CSMD1: variants seen among roughly 807,000 people sequenced by gnomAD.
CSMD1 encodes the protein CUB and sushi domain-containing protein 1.
In CSMD1, 213 loss-of-function variants were observed where a neutral mutation model predicts 417.5. That is an observed-to-expected ratio of 0.51 (90% CI 0.46 to 0.57). CSMD1 has a LOEUF of 0.57. CSMD1 is among the 20% of genes least tolerant of loss of function. CSMD1 has a pLI of 0.00. For synonymous variants in CSMD1, 2,862 were observed against 1,736.8 expected (o/e 1.65, Z -16.11); for missense variants, 6,923 against 4,529.7 (o/e 1.53, Z -15.17).
intron 2 of CSMD1, among the ~76,000 whole-genome samples, chr8:4,562,267 C>A (rs1173097400): frequency 2.6e-5 from 4 of 152,270 alleles, no homozygotes; most frequent in Non-Finnish European, 5.9e-5. Flanking sequence ...GGCATCATTA[C>A]GCGAGCAGAG....
rs1056647084 is a variant in CSMD1 at position 4,729,248 on chromosome 8, G to A, written c.86-91690C>T. The stretch of plus-strand genomic sequence containing the variant: ...TTATCACAGAAAATTATGCTGACGA[G>A]GAAAGAAAATAAGAATAAAAACCCG... On this transcript the variant is annotated intron_variant, in intron 1 of 69. Coordinates refer to ENST00000635120, the MANE Select transcript of CSMD1 (RefSeq NM_033225.6). Among the ~76,000 whole-genome samples, 9 of 152,124 alleles carry A rather than the reference G, an allele frequency of 5.9e-5. 1 individual carries two copies. Among genetic ancestry groups the A allele is most frequent in the Middle Eastern group, 6.8e-3 (2 of 294 alleles).
intron 10 of CSMD1, among the ~76,000 whole-genome samples, chr8:3,560,531 G>C (rs1486281552): frequency 6.6e-6 from 1 of 152,160 alleles, no homozygotes; most frequent in South Asian, 2.1e-4. Context: ...GCATGTATTT[G>C]AGAAAAGGCA....
At chr8:4,477,457 A>G (rs1563216502) in intron 2 of CSMD1, among the ~76,000 whole-genome samples, 1 of 152,152 alleles carries the variant, frequency 6.6e-6, no homozygotes, top group Non-Finnish European at 1.5e-5. Context: ...AAAACACATG[A>G]TTTTCAGATA....
At chr8:4,912,109 C>T (rs1348381988) in intron 1 of CSMD1, among the ~76,000 whole-genome samples, 3 of 65,228 alleles carry the variant, frequency 4.6e-5, no homozygotes, top group African/African-American at 1.4e-4. Flanking sequence ...TTTTCTAGTG[C>T]TCAACATAGC....
intron 52 of CSMD1, among the ~76,000 whole-genome samples, chr8:3,010,810 C>G (rs1253858917): frequency 1.3e-5 from 2 of 149,262 alleles, no homozygotes; most frequent in Non-Finnish European, 3.0e-5. Flanking sequence ...ATGGCATGAT[C>G]TCGGCTCACT....
chr8:3,752,488 C>G (rs1247283207), intron 6 of CSMD1, among the ~76,000 whole-genome samples: 1 of 151,882 alleles, frequency 6.6e-6, no homozygotes, highest in African/African-American at 2.4e-5. Context: ...AACCCCATCT[C>G]TACTAAAAAT....
Position 3,190,028 on chromosome 8 carries a change from G to A in CSMD1, c.5282C>T (p.Ser1761Phe). The change falls in exon 34 of 70, where the codon TCC becomes TTC. Residue 1761 changes from serine to phenylalanine, a missense_variant. Transcript: ENST00000635120. ...CGGGTTGCACTCGAATCGGACGATG[G>A]AGCCGGCAGAAAACTCAGAACCAAT... is the stretch of plus-strand genomic sequence containing the variant. ...RRIGSEFSAG[S>F]IVRFECNPGY... is the part of the protein sequence containing the mutation. 1 of 1,594,912 alleles carries A rather than the reference G, an allele frequency of 6.3e-7. No homozygotes were observed. Among genetic ancestry groups the A allele is most frequent in the Non-Finnish European group, 8.5e-7 (1 of 1,170,894 alleles).
intron 49 of CSMD1, among the ~76,000 whole-genome samples, chr8:3,065,735 C>T (rs1396736637): frequency 6.6e-6 from 1 of 152,142 alleles, no homozygotes; most frequent in East Asian, 1.9e-4. Flanking sequence ...TACAAAGCAT[C>T]TGATAAGTAT....
chr8:3,694,840 C>A (rs1473758062), intron 7 of CSMD1, among the ~76,000 whole-genome samples: 1 of 151,926 alleles, frequency 6.6e-6, no homozygotes, highest in South Asian at 2.1e-4. Context: ...TGAGCCAGGA[C>A]ATGAAGCAAT....
intron 9 of CSMD1, among the ~76,000 whole-genome samples, chr8:3,579,498 T>G (rs1170323494): frequency 6.6e-6 from 1 of 152,218 alleles, no homozygotes; most frequent in Non-Finnish European, 1.5e-5. Context: ...AAGCTTTTTT[T>G]AAAGCAAATT....
At chr8:3,691,049 C>G (rs544950547) in intron 7 of CSMD1, among the ~76,000 whole-genome samples, 3 of 152,158 alleles carry the variant, frequency 2.0e-5, no homozygotes, top group South Asian at 2.1e-4. Context: ...CTCTCTAACA[C>G]ACATGGCGAC....
At chr8:3,714,561 CAA>C (rs61494901) in intron 6 of CSMD1, among the ~76,000 whole-genome samples, 10 of 70,574 alleles carry the variant, frequency 1.4e-4, no homozygotes, top group African/African-American at 4.4e-4. Flanking sequence ...ATCTCTATCC[CAA>C]AAAAAAAAAA....
At chr8:4,257,856 G>A (rs571551530) in intron 3 of CSMD1, among the ~76,000 whole-genome samples, 99 of 152,300 alleles carry the variant, frequency 6.5e-4, no homozygotes, top group South Asian at 1.9e-3. Context: ...TCATTATTCA[G>A]CTACAGCGTA....
At chr8:3,632,767 T>G (rs547313928) in intron 7 of CSMD1, among the ~76,000 whole-genome samples, 1 of 152,232 alleles carries the variant, frequency 6.6e-6, no homozygotes. Flanking sequence ...GCCCTTGTTT[T>G]GTTTTTGGCA....
At chr8:3,892,653 G>C (rs1008114385) in intron 5 of CSMD1, among the ~76,000 whole-genome samples, 1 of 151,154 alleles carries the variant, frequency 6.6e-6, no homozygotes, top group East Asian at 1.9e-4. Context: ...CACGTCGTGG[G>C]ATTTTTGGAG....
intron 7 of CSMD1, among the ~76,000 whole-genome samples, chr8:3,684,577 T>C (rs960412659): frequency 4.0e-5 from 6 of 150,362 alleles, no homozygotes; most frequent in African/African-American, 7.3e-5. Context: ...TTGAACCCAG[T>C]TGCAGATACT....
At chr8:3,180,304 C>T (rs1406900511) in intron 37 of CSMD1, among the ~76,000 whole-genome samples, 7 of 152,148 alleles carry the variant, frequency 4.6e-5, no homozygotes, top group South Asian at 2.1e-4. Context: ...GTCGACTGTG[C>T]GATGCCTTCC....
chr8:3,142,811 G>A (rs1392282349), intron 40 of CSMD1, 137 bp from the exon 41 acceptor site: 3 of 780,622 alleles, frequency 3.8e-6, no homozygotes, highest in South Asian at 1.7e-5. Context: ...GTGGAGGACG[G>A]CATTCACTGT....
intron 10 of CSMD1, among the ~76,000 whole-genome samples, chr8:3,546,995 C>A (rs547034941): frequency 3.9e-5 from 6 of 152,294 alleles, no homozygotes; most frequent in South Asian, 4.1e-4. Flanking sequence ...AACTGAACAG[C>A]GTCTCCCCTC....
Sources: allele counts gnomAD v4.1 joint callset (sites outside exome capture counted in the v4.1 genomes callset), GRCh38; gene constraint gnomAD v4.1.1; transcripts MANE v1.5; gene names NCBI Gene and HGNC (gene_info 2026-07-23, HGNC 2026-07-21).